The following TOM1 variants were observed in gnomAD, a reference collection of about 807,000 sequenced individuals.
TOM1 encodes the protein target of myb1 membrane trafficking protein, also known as target of Myb protein 1.
Under a neutral mutation model 61.3 loss-of-function variants are expected in TOM1, and 38 were observed. The ratio of observed to expected loss-of-function variants is 0.62; its 90% CI spans 0.48 to 0.81. The LOEUF is 0.81. Among genes scored for constraint, TOM1 ranks in the 40% least tolerant of loss-of-function variants. The pLI, the probability that TOM1 is intolerant of heterozygous loss-of-function variation, is 0.00. For synonymous variants in TOM1, 270 were observed against 268.8 expected, an observed-to-expected ratio of 1.00 and a Z score of -0.04; for missense variants, 591 against 659.6, an observed-to-expected ratio of 0.90 and a Z score of 1.14.
chr22:35,311,402 A>G (rs1423438324), intron 1 of TOM1, among the ~76,000 whole-genome samples: 1 of 152,242 alleles, frequency 6.6e-6, no homozygotes, highest in Non-Finnish European at 1.5e-5. Flanking sequence ...TGGCAGTTTC[A>G]GGGTGGGTTT....
In TOM1 at chr22:35,347,143, C is replaced by T. The variant is rs1930579213; in HGVS notation, c.1413C>T (p.Pro471=). Residue 471 remains proline (P), a synonymous_variant, in exon 15 of 15, where the codon CCC becomes CCT. Coordinates refer to ENST00000449058, the MANE Select transcript of TOM1 (RefSeq NM_005488.3). ...SSPSAEGPPG[P]PSGPAPRKKT... ...CCTCAGCTGAGGGGCCCCCGGGTCC[C>T]CCATCTGGCCCAGCGCCCCGGAAGA... The T allele has an allele frequency of 1.2e-6, 2 of 1,613,628 alleles. No individual in the cohort carries two copies. The highest frequency in any genetic ancestry group is 2.2e-5 in the South Asian group (2 of 91,060).
At chr22:35,322,680 G>T in intron 3 of TOM1, 1 of 240,540 alleles carries the variant, frequency 4.2e-6, no homozygotes, top group Non-Finnish European at 7.9e-6. Context: ...CTCACCAGTC[G>T]ATTGACATCT....
chr22:35,343,813 CCTA>C (rs1254419860), intron 12 of TOM1, among the ~76,000 whole-genome samples: 1 of 144,982 alleles, frequency 6.9e-6, no homozygotes, highest in Non-Finnish European at 1.5e-5. Context: ...CACACCTACA[CCTA>C]CACATACACA....
intron 1 of TOM1, among the ~76,000 whole-genome samples, chr22:35,308,844 G>A (rs777332465): frequency 2.0e-4 from 31 of 152,056 alleles, no homozygotes; most frequent in African/African-American, 2.9e-4. Context: ...TGTGGGTTGC[G>A]GAAGCAATAC....
rs1930615258 is a variant in TOM1, at chr22:35,347,522, G to A, written c.*313G>A. Reference sequence around the variant, plus strand: ...TGGCTGGCTGGCTGCTTGACCCAGTGTGACTCTCCTTCACTGAGTGATACC... The same window carrying A: ...TGGCTGGCTGGCTGCTTGACCCAGTATGACTCTCCTTCACTGAGTGATACC... On this transcript the variant is annotated 3_prime_UTR_variant, in exon 15 of 15. Transcript: ENST00000449058. The A allele has an allele frequency of 3.6e-6, 1 of 275,830 alleles. No individual in the cohort carries two copies. Among genetic ancestry groups the A allele is most frequent in the Non-Finnish European group, 6.8e-6 (1 of 146,562 alleles). The allele number at this position is 275,830 out of a possible 1,614,324, so 17.1% of individuals were successfully genotyped here.
chr22:35,304,102 A>C (rs1254630474), intron 1 of TOM1, among the ~76,000 whole-genome samples: 4 of 152,182 alleles, frequency 2.6e-5, no homozygotes, highest in African/African-American at 7.2e-5. Flanking sequence ...TTTCACCAAA[A>C]GTCAGTCTAA....
intron 2 of TOM1, among the ~76,000 whole-genome samples, chr22:35,320,594 C>T (rs966223265): frequency 2.0e-5 from 3 of 152,096 alleles, no homozygotes; most frequent in Non-Finnish European, 4.4e-5. Flanking sequence ...GCCCCCACTC[C>T]CCCCAGGTGG....
chr22:35,337,440 C>T (rs1385145738), intron 11 of TOM1, among the ~76,000 whole-genome samples: 2 of 152,240 alleles, frequency 1.3e-5, no homozygotes, highest in African/African-American at 4.8e-5. Context: ...TTGGCTCCAG[C>T]AGGGCCCTGC....
chr22:35,337,851 G>T (rs1019064946), intron 11 of TOM1, among the ~76,000 whole-genome samples: 2 of 152,220 alleles, frequency 1.3e-5, no homozygotes, highest in South Asian at 2.1e-4. Context: ...TCTGCCGGCA[G>T]TTCAGGGCGA....
At chr22:35,319,710 C>T (rs1209619046) in intron 2 of TOM1, among the ~76,000 whole-genome samples, 1 of 152,208 alleles carries the variant, frequency 6.6e-6, no homozygotes, top group Non-Finnish European at 1.5e-5. Context: ...CACTATAAAG[C>T]GCTGAAGTAG....
chr22:35,324,412 CAAAAAAAAAAA>C (rs58401864), intron 6 of TOM1, among the ~76,000 whole-genome samples: 5 of 61,178 alleles, frequency 8.2e-5, no homozygotes, highest in Admixed American at 1.8e-4. Flanking sequence ...AGACCTGTTT[CAAAAAAAAAAA>C]AAAAAAAAAA....
chr22:35,338,934 G>A lies in TOM1; in HGVS notation c.1224+146G>A, dbSNP rs1601711392. The A allele has an allele frequency of 2.3e-5, 17 of 738,480 alleles. No individual in the cohort carries two copies. The East Asian group carries it at 3.6e-4, about 16-fold the overall frequency. 45.7% of individuals were successfully genotyped at this position (738,480 alleles called of 1,614,324 possible). On this transcript the variant is annotated intron_variant, in intron 12 of 14. Coordinates refer to ENST00000449058, the MANE Select transcript of TOM1 (RefSeq NM_005488.3). The stretch of plus-strand genomic sequence containing the variant: ...TTTGGCCGTCAGGTCGGTTCTTTTT[G>A]GCTAGTGTGGTTATTCCCAGTTTAT...
At chr22:35,345,681 C>T (rs1930441496) in intron 12 of TOM1, 44 bp from the exon 13 acceptor site, 1 of 1,604,752 alleles carries the variant, frequency 6.2e-7, no homozygotes, top group African/African-American at 1.3e-5. Flanking sequence ...CGTCTTCCAC[C>T]TTGTCACCTA....
In TOM1 at chr22:35,343,814, CTACACA is replaced by C. The variant is rs1282737062; in HGVS notation, c.1225-1904_1225-1899del. ...CACCTACACCTACCCACACCTACAC[CTACACA>C]TACACACCTACATTCATACACCTAC... On this transcript the variant is annotated intron_variant, in intron 12 of 14. Transcript: ENST00000449058. Among the ~76,000 whole-genome samples the C allele has an allele frequency of 2.7e-5, 4 of 148,602 alleles. No homozygotes were observed. In the East Asian group the frequency reaches 6.1e-4, roughly 23 times the overall value.
chr22:35,299,877 G>A (rs1300270660), upstream of TOM1: 5 of 1,556,570 alleles, frequency 3.2e-6, no homozygotes, highest in Non-Finnish European at 8.7e-7. Flanking sequence ...CGGTGGCGCT[G>A]GCGGTTGCTG....
chr22:35,299,952 G>C lies in TOM1; in HGVS notation c.24G>C (p.Pro8=). 1.3e-6 allele frequency: 2 copies of C among 1,582,648 alleles called. No homozygotes were observed. Among genetic ancestry groups the C allele is most frequent in the Non-Finnish European group, 1.7e-6 (2 of 1,162,872 alleles). ...CAATGGACTTTCTCCTGGGGAACCC[G>C]TTCAGCTCTCCAGTGGGACAGCGCA... MDFLLGN[P]FSSPVGQRIE... is the part of the protein sequence containing the mutation. The change falls in exon 1 of 15, where the codon CCG becomes CCC. Residue 8 remains proline (P), a synonymous_variant. Transcript: ENST00000449058.
At chr22:35,331,434 C>G in intron 8 of TOM1, 1 of 404,174 alleles carries the variant, frequency 2.5e-6, no homozygotes, top group Non-Finnish European at 4.9e-6. Flanking sequence ...TCATTCTGTT[C>G]AAGAGTCACA....
At chr22:35,332,468 C>T (rs1285682714) in intron 8 of TOM1, among the ~76,000 whole-genome samples, 3 of 152,128 alleles carry the variant, frequency 2.0e-5, no homozygotes, top group African/African-American at 4.8e-5. Flanking sequence ...GACAAGGCCA[C>T]GACTTGAACA....
intron 7 of TOM1, among the ~76,000 whole-genome samples, chr22:35,330,051 A>G (rs1391453679): frequency 1.3e-5 from 2 of 152,090 alleles, no homozygotes; most frequent in Non-Finnish European, 2.9e-5. Flanking sequence ...AGGCCGAGGC[A>G]GGCAGATCGT....
Sources: gnomAD v4.1 joint callset for allele counts (sites outside exome capture counted in the v4.1 genomes callset) on GRCh38, gnomAD v4.1.1 for gene constraint, MANE v1.5 for transcripts, NCBI Gene and HGNC (gene_info 2026-07-23, HGNC 2026-07-21) for gene names.